GRM4: variants seen among roughly 807,000 people sequenced by gnomAD.
GRM4 encodes metabotropic glutamate receptor 4.
In GRM4, 28 loss-of-function variants were observed where a neutral mutation model predicts 81.7. The ratio of observed to expected loss-of-function variants is 0.34; its 90% CI spans 0.25 to 0.47. The LOEUF (loss-of-function observed/expected upper bound fraction) is 0.47. Ranked by LOEUF, GRM4 falls within the 20% of genes least tolerant of loss-of-function variation. The probability of loss-of-function intolerance (pLI) is 1.00; values close to 1 mark genes in which losing one functional copy is unlikely to be tolerated. For synonymous variants in GRM4, 488 were observed against 528.8 expected, an observed-to-expected ratio of 0.92 and a Z score of 1.06; for missense variants, 948 against 1,290.0, an observed-to-expected ratio of 0.73 and a Z score of 4.06.
intron 2 of GRM4, among the ~76,000 whole-genome samples, chr6:34,125,773 G>A (rs548010229): frequency 6.6e-6 from 1 of 152,330 alleles, no homozygotes; most frequent in African/African-American, 2.4e-5. Flanking sequence ...TGGTCTGGAG[G>A]TTCCCCTTCC....
chr6:34,069,725 C>T lies in GRM4; in HGVS notation c.737-7697G>A, dbSNP rs1766702950. Among the ~76,000 whole-genome samples, 1 of 150,970 alleles carries T rather than the reference C, an allele frequency of 6.6e-6. No individual in the cohort carries two copies. Among genetic ancestry groups the T allele is most frequent in the East Asian group, 2.0e-4 (1 of 5,112 alleles). The stretch of plus-strand genomic sequence containing the variant: ...CTGCCTCTTCTCCCAGGAGGGTCTC[C>T]CTGATGCACCCAGTGAATTTGGATT... On this transcript the variant is annotated intron_variant, in intron 3 of 10. Transcript: ENST00000538487. This position sits in a 1 kb window ranked among gnomAD's most constrained non-coding sequence, Gnocchi z 6.4.
upstream of GRM4, among the ~76,000 whole-genome samples, chr6:34,148,016 G>A (rs1770974422): frequency 6.8e-6 from 1 of 147,094 alleles, no homozygotes; most frequent in Non-Finnish European, 1.5e-5. Flanking sequence ...CTGCCCCTCA[G>A]TGTTGCTTTC....
chr6:34,132,575 A>G (rs759625177), intron 2 of GRM4, among the ~76,000 whole-genome samples: 2 of 152,136 alleles, frequency 1.3e-5, no homozygotes, highest in Non-Finnish European at 1.5e-5. Context: ...CTGTCTGTCT[A>G]TCCACCTGCG....
chr6:34,145,075 G>A (rs376340553), intron 1 of GRM4, among the ~76,000 whole-genome samples: 24 of 152,194 alleles, frequency 1.6e-4, no homozygotes, highest in African/African-American at 3.4e-4. Context: ...GTCCCCCTCG[G>A]GCCACAACTC....
At chr6:34,155,137 C>T (rs1178193987) in exon 1 of GRM4, 3 of 1,534,494 alleles carry the variant, frequency 2.0e-6, no homozygotes, top group Middle Eastern at 1.7e-4. Flanking sequence ...AGGGCTGCTT[C>T]CCAGCTGGGC....
At chr6:34,104,808 C>A (rs1418527956) in intron 2 of GRM4, among the ~76,000 whole-genome samples, 1 of 152,192 alleles carries the variant, frequency 6.6e-6, no homozygotes, top group Non-Finnish European at 1.5e-5. Flanking sequence ...AATTACATGA[C>A]CCCTGCTGCA....
intron 9 of GRM4, 49 bp from the exon 10 acceptor site, chr6:34,028,415 G>T: frequency 6.4e-7 from 1 of 1,573,324 alleles, no homozygotes; most frequent in Non-Finnish European, 8.6e-7. Flanking sequence ...CCGACTGAGG[G>T]CCCTGACTCC....
At chr6:34,128,234 G>A (rs998201328) in intron 2 of GRM4, among the ~76,000 whole-genome samples, 10 of 152,162 alleles carry the variant, frequency 6.6e-5, no homozygotes, top group African/African-American at 9.7e-5. Flanking sequence ...CTGCCTGCCC[G>A]CTCCATCCTC....
At chr6:34,132,072 C>T (rs905026325) in intron 2 of GRM4, among the ~76,000 whole-genome samples, 1 of 152,148 alleles carries the variant, frequency 6.6e-6, no homozygotes, top group Non-Finnish European at 1.5e-5. Flanking sequence ...TCTCTCTACC[C>T]GGTAGCTTTC....
intron 2 of GRM4, among the ~76,000 whole-genome samples, chr6:34,106,217 C>T (rs1472816901): frequency 6.6e-6 from 1 of 152,078 alleles, no homozygotes; most frequent in East Asian, 1.9e-4. Context: ...GAGTTTGAGA[C>T]TAACCTTGCC....
At chr6:34,113,824 T>C (rs76568005) in intron 2 of GRM4, among the ~76,000 whole-genome samples, 1 of 152,250 alleles carries the variant, frequency 6.6e-6, no homozygotes, top group African/African-American at 2.4e-5. Context: ...ATTATGTCAC[T>C]CTGCTTAAAA....
In GRM4 at chr6:34,021,273, A is replaced by G. The variant is rs1388077279; in HGVS notation, c.*1548T>C. The G allele has an allele frequency of 6.6e-6, 1 of 152,462 alleles. No individual in the cohort carries two copies. Among genetic ancestry groups the G allele is most frequent in the Admixed American group, 6.5e-5 (1 of 15,290 alleles). 9.4% of individuals were successfully genotyped at this position (152,462 alleles called of 1,614,324 possible). A position where few individuals can be genotyped will look rare whatever the true frequency, so the allele number is the denominator to read the frequency against. ...ACACAGACACACAGCCAACACAGCC[A>G]ACACAGCCACACGGCCATGCCTGTG... On this transcript the variant is annotated 3_prime_UTR_variant, in exon 11 of 11. Coordinates refer to ENST00000538487, the MANE Select transcript of GRM4 (RefSeq NM_000841.4). This position sits in a 1 kb window ranked among gnomAD's most constrained non-coding sequence, Gnocchi z 5.3.
rs1424268612 is a variant in GRM4, at chr6:34,136,582, A to ACACG, written c.-363-2724_-363-2723insCGTG. On this transcript the variant is annotated intron_variant, in intron 1 of 10. Transcript: ENST00000538487. The surrounding 1 kb of genome is among the most constrained non-coding windows in gnomAD (Gnocchi z 4.1). ...CGTGCGGACACACACACACACACAC[A>ACACG]CACACACACACACACACACACACGG... Among the ~76,000 whole-genome samples the ACACG allele has an allele frequency of 1.3e-5, 2 of 151,314 alleles. No homozygotes were observed. Among genetic ancestry groups the ACACG allele is most frequent in the African/African-American group, 4.9e-5 (2 of 41,062 alleles).
chr6:34,095,574 T>C (rs2499713), intron 2 of GRM4, among the ~76,000 whole-genome samples: 141,449 of 152,304 alleles, frequency 0.93, 65,796 homozygotes, highest in African/African-American at 0.97. Context: ...CTCAGAACAG[T>C]GCCTGGCAGG....
chr6:34,079,530 A>T (rs1467092280), intron 3 of GRM4, among the ~76,000 whole-genome samples: 1 of 145,320 alleles, frequency 6.9e-6, no homozygotes, highest in African/African-American at 2.8e-5. Flanking sequence ...GTATATAGCT[A>T]AAAAAGAAAC....
At position 34,036,345 on chromosome 6, in the gene GRM4, C is replaced by T. The variant is rs377004554; in HGVS notation, c.1765G>A (p.Val589Met). 68 of 1,613,598 alleles carry T rather than the reference C, an allele frequency of 4.2e-5. No individual in the cohort carries two copies. Among genetic ancestry groups the T allele is most frequent in the African/African-American group, 1.1e-4 (8 of 74,924 alleles). Residue 589 changes from valine (V) to methionine (M), a missense_variant, in exon 9 of 11, where the codon GTG becomes ATG. Val to Met is a conservative substitution (Grantham distance 21). Coordinates refer to ENST00000538487, the MANE Select transcript of GRM4 (RefSeq NM_000841.4). This position sits in a 1 kb window ranked among gnomAD's most constrained non-coding sequence, Gnocchi z 9.0. ...ACCACGGCCAGGAAGAGGGGCAGCA[C>T]GGCCCAGGGCGAGCCCCACTCAAGC... ...IKLEWGSPWAVLPLFLAVVGI... is the reference protein window; with the variant it reads ...IKLEWGSPWAMLPLFLAVVGI...
At chr6:34,154,944 C>T (rs867081097) in intron 1 of GRM4, 9 of 657,794 alleles carry the variant, frequency 1.4e-5, no homozygotes, top group Middle Eastern at 8.5e-4. Context: ...TGGCCGAACG[C>T]CCTCATTGCA....
chr6:34,051,620 T>C lies in GRM4; in HGVS notation c.1168+4924A>G, dbSNP rs934232833. 4.6e-5 allele frequency among the ~76,000 whole-genome samples: 7 copies of C among 152,184 alleles called. No homozygotes were observed. The East Asian group carries it at 1.4e-3, about 29-fold the overall frequency. ...GACTTTAATTCCCAAACCCTGTTCT[T>C]TGGGCTCCCAGGGAGGGCCTGGGAG... On this transcript the variant is annotated intron_variant, in intron 6 of 10. Coordinates refer to ENST00000538487, the MANE Select transcript of GRM4 (RefSeq NM_000841.4).
rs1392059385 is a variant in GRM4, at chr6:34,121,681, C to T, written c.519+11297G>A. Among the ~76,000 whole-genome samples, 1 of 152,208 alleles carries T rather than the reference C, an allele frequency of 6.6e-6. No individual in the cohort carries two copies. The highest frequency in any genetic ancestry group is 1.5e-5 in the Non-Finnish European group (1 of 68,044). On this transcript the variant is annotated intron_variant, in intron 2 of 10. Transcript: ENST00000538487. The surrounding 1 kb of genome is among the most constrained non-coding windows in gnomAD (Gnocchi z 4.6). ...CAGGGCTGAGCAGAGCATCCCTCCT[C>T]CTGGGGCACCACCTCTTAGCAAACC...
Sources: gnomAD v4.1 joint callset for allele counts (sites outside exome capture counted in the v4.1 genomes callset) on GRCh38, gnomAD v4.1.1 for gene constraint, Gnocchi (gnomAD v3.1) non-coding constraint, MANE v1.5 for transcripts, NCBI Gene and HGNC (gene_info 2026-07-23, HGNC 2026-07-21) for gene names.